APBA2: variants seen among roughly 807,000 people sequenced by gnomAD.
APBA2 encodes the protein amyloid-beta A4 precursor protein-binding family A member 2.
A neutral mutation model predicts 75.0 loss-of-function variants in APBA2; 30 were observed. That is an observed-to-expected ratio of 0.40 (90% CI 0.30 to 0.54). The LOEUF (loss-of-function observed/expected upper bound fraction) is 0.54. Ranked by LOEUF, APBA2 falls within the 20% of genes least tolerant of loss-of-function variation. The pLI is 0.49. For missense variants in APBA2, 801 were observed against 1,016.1 expected (o/e 0.79, Z 2.88); for synonymous variants, 444 against 409.6 (o/e 1.08, Z -1.01).
chr15:29,037,440 G>C (rs973636346), intron 3 of APBA2, among the ~76,000 whole-genome samples: 5 of 152,176 alleles, frequency 3.3e-5, no homozygotes, highest in African/African-American at 1.2e-4. Flanking sequence ...CATCGTGTGA[G>C]ATTACAGGTT....
chr15:29,077,458 G>A (rs901805108), intron 6 of APBA2, among the ~76,000 whole-genome samples: 2 of 152,220 alleles, frequency 1.3e-5, no homozygotes, highest in Admixed American at 1.3e-4. Flanking sequence ...CTCACACTAG[G>A]AGGTGATTTA....
intron 2 of APBA2, among the ~76,000 whole-genome samples, chr15:28,950,748 G>A (rs1176540613): frequency 6.6e-6 from 1 of 152,176 alleles, no homozygotes; most frequent in Admixed American, 6.5e-5. Flanking sequence ...ACTCCTTCAT[G>A]GGGGGTGGGG....
intron 3 of APBA2, among the ~76,000 whole-genome samples, chr15:29,029,922 C>T (rs527979419): frequency 3.9e-5 from 6 of 152,266 alleles, no homozygotes; most frequent in African/African-American, 1.2e-4. Flanking sequence ...GCAGAAGGAA[C>T]GATTGCTCAA....
chr15:28,953,316 G>T (rs2152726270), intron 2 of APBA2, among the ~76,000 whole-genome samples: 1 of 152,272 alleles, frequency 6.6e-6, no homozygotes, highest in African/African-American at 2.4e-5. Flanking sequence ...ATTGCCTGTG[G>T]TCCATGGGAT....
At chr15:28,933,330 C>T (rs2034662834) in intron 2 of APBA2, among the ~76,000 whole-genome samples, 1 of 150,364 alleles carries the variant, frequency 6.7e-6, no homozygotes, top group Non-Finnish European at 1.5e-5. Flanking sequence ...AGAGAGCCTC[C>T]CGCCCTCCAC....
In APBA2 at chr15:29,054,844, C is replaced by A; in HGVS notation, c.951+9C>A. The A allele has an allele frequency of 6.3e-7, 1 of 1,593,732 alleles. No homozygotes were observed. Among genetic ancestry groups the A allele is most frequent in the East Asian group, 2.2e-5 (1 of 44,722 alleles). On this transcript the variant is annotated intron_variant, in intron 4 of 14. Transcript: ENST00000683413. This position sits in a 1 kb window ranked among gnomAD's most constrained non-coding sequence, Gnocchi z 6.1. Reference sequence around the variant, plus strand: ...AGTGGCCCCACGAGCAGGTAGGACCCTGGCTGTCCTGGGGAAGGGAGCAGA... The same window carrying A: ...AGTGGCCCCACGAGCAGGTAGGACCATGGCTGTCCTGGGGAAGGGAGCAGA...
At chr15:29,023,168 G>A (rs2040036128) in intron 3 of APBA2, among the ~76,000 whole-genome samples, 1 of 152,132 alleles carries the variant, frequency 6.6e-6, no homozygotes, top group Admixed American at 6.6e-5. Context: ...TTCTCAAACT[G>A]TACACCTCTT....
At chr15:28,933,133 A>G (rs1224149315) in intron 2 of APBA2, among the ~76,000 whole-genome samples, 1 of 152,166 alleles carries the variant, frequency 6.6e-6, no homozygotes, top group African/African-American at 2.4e-5. Context: ...TAATACATTC[A>G]TGAGGGTAGA....
At chr15:28,986,924 C>A (rs1595656199) in intron 2 of APBA2, among the ~76,000 whole-genome samples, 1 of 152,214 alleles carries the variant, frequency 6.6e-6, no homozygotes. Flanking sequence ...AAGGCGCCAA[C>A]AGATTTGCTG....
chr15:28,992,119 C>T (rs1275081453), intron 2 of APBA2, among the ~76,000 whole-genome samples: 4 of 152,140 alleles, frequency 2.6e-5, no homozygotes, highest in Non-Finnish European at 5.9e-5. Flanking sequence ...GCCTTTCTGG[C>T]TCCAGGGCTG....
chr15:29,071,451 C>T (rs2042618896), intron 4 of APBA2, among the ~76,000 whole-genome samples: 1 of 151,672 alleles, frequency 6.6e-6, no homozygotes, highest in Admixed American at 6.6e-5. Flanking sequence ...TTTCAGGCCC[C>T]ACTACAGTTA....
chr15:28,889,431 G>A (rs1403256256), intron 1 of APBA2, among the ~76,000 whole-genome samples: 2 of 152,226 alleles, frequency 1.3e-5, no homozygotes, highest in African/African-American at 2.4e-5. Context: ...GCCCAGGCCA[G>A]GTGTGTCACC....
At chr15:28,944,903 C>G (rs2035456306) in intron 2 of APBA2, among the ~76,000 whole-genome samples, 1 of 152,220 alleles carries the variant, frequency 6.6e-6, no homozygotes, top group African/African-American at 2.4e-5. Context: ...CCTGGAAGAG[C>G]AGGTGGAGTG....
intron 3 of APBA2, among the ~76,000 whole-genome samples, chr15:29,003,332 C>T (rs1441442938): frequency 6.6e-6 from 1 of 152,180 alleles, no homozygotes; most frequent in East Asian, 1.9e-4. Flanking sequence ...ATCTACCCTC[C>T]AAAGAACATC....
chr15:29,072,431 T>A (rs2042665716), intron 4 of APBA2, among the ~76,000 whole-genome samples: 1 of 152,190 alleles, frequency 6.6e-6, no homozygotes. Context: ...GTGAGCGGCA[T>A]CTGAGGCGAG....
chr15:28,989,237 G>A (rs1345320257), intron 2 of APBA2, among the ~76,000 whole-genome samples: 1 of 152,144 alleles, frequency 6.6e-6, no homozygotes, highest in Non-Finnish European at 1.5e-5. Flanking sequence ...GAAGCTAAGA[G>A]TGTGGATTCT....
At position 28,936,220 on chromosome 15, in the gene APBA2, A is replaced by T. The variant is rs558615480; in HGVS notation, c.-95+14471A>T. On this transcript the variant is annotated intron_variant, in intron 2 of 14. Transcript: ENST00000683413. ...TGTGCCCCATAGCTGTCTTTCTGCC[A>T]GCTCTCTTGCACATTTAGTTCTTGA... Among the ~76,000 whole-genome samples, 3 of 152,346 alleles carry T rather than the reference A, an allele frequency of 2.0e-5. No individual in the cohort carries two copies. In the South Asian group the frequency reaches 6.2e-4, roughly 32 times the overall value.
In APBA2 at chr15:28,890,242, A is replaced by G. The variant is rs576423120; in HGVS notation, c.-205+3964A>G. Among the ~76,000 whole-genome samples, 3 of 152,330 alleles carry G rather than the reference A, an allele frequency of 2.0e-5. No homozygotes were observed. In the East Asian group the frequency reaches 5.8e-4, roughly 29 times the overall value. On this transcript the variant is annotated intron_variant, in intron 1 of 14. Coordinates refer to ENST00000683413, the MANE Select transcript of APBA2 (RefSeq NM_001353788.2). ...TCAGTTTCACATAGGCCAGAGGAGA[A>G]TGTGTTTGGGAAGGTAAGCAGCCCA...
chr15:29,065,170 C>T (rs1334137051), intron 4 of APBA2, among the ~76,000 whole-genome samples: 1 of 152,136 alleles, frequency 6.6e-6, no homozygotes, highest in African/African-American at 2.4e-5. Flanking sequence ...CCCGTACCTC[C>T]CGTTCTTGGG....
Sources: allele counts gnomAD v4.1 joint callset (sites outside exome capture counted in the v4.1 genomes callset), GRCh38; gene constraint gnomAD v4.1.1; non-coding constraint Gnocchi (gnomAD v3.1); transcripts MANE v1.5; gene names NCBI Gene and HGNC (gene_info 2026-07-23, HGNC 2026-07-21).